TGFB1: variants seen among roughly 807,000 people sequenced by gnomAD.
TGFB1 encodes transforming growth factor beta-1 proprotein.
In TGFB1, 19 loss-of-function variants were observed where a neutral mutation model predicts 43.8. The ratio of observed to expected loss-of-function variants is 0.43; its 90% CI spans 0.30 to 0.64. TGFB1 has a LOEUF of 0.64. TGFB1 is among the 30% of genes least tolerant of loss of function. The probability of loss-of-function intolerance (pLI) is 0.11; values close to 1 mark genes in which losing one functional copy is unlikely to be tolerated. For missense variants in TGFB1, 445 were observed against 529.8 expected (o/e 0.84, Z 1.57); for synonymous variants, 221 against 236.3 (o/e 0.94, Z 0.60).
intron 5 of TGFB1, among the ~76,000 whole-genome samples, chr19:41,339,656 C>G (rs11466342): frequency 5.3e-4 from 80 of 152,154 alleles, no homozygotes; most frequent in African/African-American, 1.8e-3. Context: ...AACCCAGTGT[C>G]TACTAAAAAA....
At chr19:41,347,644 A>C (rs919091658) in intron 2 of TGFB1, among the ~76,000 whole-genome samples, 1 of 152,044 alleles carries the variant, frequency 6.6e-6, no homozygotes, top group African/African-American at 2.4e-5. Context: ...CCTGGCCAAC[A>C]TGATAAAACT....
intron 2 of TGFB1, among the ~76,000 whole-genome samples, chr19:41,345,723 G>A (rs1006788203): frequency 2.0e-5 from 3 of 151,220 alleles, no homozygotes; most frequent in African/African-American, 7.3e-5. Context: ...CCAACAAAGT[G>A]AAACCTCGTC....
intron 5 of TGFB1, 87 bp from the exon 6 acceptor site, chr19:41,332,368 C>T (rs1282359840): frequency 3.3e-6 from 5 of 1,506,142 alleles, no homozygotes; most frequent in Non-Finnish European, 4.5e-6. Context: ...CGTGTGTCAC[C>T]CTAGGTTGCC....
chr19:41,340,966 G>A (rs1044731499), intron 5 of TGFB1, among the ~76,000 whole-genome samples: 2 of 152,140 alleles, frequency 1.3e-5, no homozygotes, highest in African/African-American at 2.4e-5. Flanking sequence ...ATTCAAGATG[G>A]TGACCTTCCA....
intron 3 of TGFB1, 100 bp downstream of exon 3, chr19:41,344,647 A>T (rs1223410640): frequency 2.1e-5 from 23 of 1,072,686 alleles, no homozygotes; most frequent in Non-Finnish European, 3.2e-5. Context: ...CTTTCACACC[A>T]GTATGGGGCG....
intron 5 of TGFB1, among the ~76,000 whole-genome samples, chr19:41,336,467 C>CTCCA (rs1395055137): frequency 2.0e-5 from 3 of 151,834 alleles, no homozygotes; most frequent in African/African-American, 7.3e-5. Flanking sequence ...TCACTGTGGC[C>CTCCA]TCCAGCTCCT....
chr19:41,331,908 T>C, intron 6 of TGFB1: 1 of 584,916 alleles, frequency 1.7e-6, no homozygotes, highest in South Asian at 2.2e-5. Context: ...CTTCACTCTG[T>C]GGGTCTTCAT....
Position 41,353,073 on chromosome 19 carries a change from G to C in TGFB1, c.-29C>G. 3.3e-6 allele frequency: 5 copies of C among 1,504,266 alleles called. No individual in the cohort carries two copies. Among genetic ancestry groups the C allele is most frequent in the Non-Finnish European group, 3.5e-6 (4 of 1,131,962 alleles). 93.2% of individuals were successfully genotyped at this position (1,504,266 alleles called of 1,614,324 possible). On this transcript the variant is annotated 5_prime_UTR_variant, in exon 1 of 7. Coordinates refer to ENST00000221930, the MANE Select transcript of TGFB1 (RefSeq NM_000660.7). This position sits in a 1 kb window ranked among gnomAD's most constrained non-coding sequence, Gnocchi z 5.9. ...GGAGGCGGCGCCCCCCGGCACTGCC[G>C]AGAGCGCGAACAGGGCTGGTGTGGT... is the stretch of plus-strand genomic sequence containing the variant.
At position 41,348,292 on chromosome 19, in the gene TGFB1, C is replaced by T. The variant is rs201759678; in HGVS notation, c.516+3G>A. 1.2e-6 allele frequency: 2 copies of T among 1,612,534 alleles called. No individual in the cohort carries two copies. The highest frequency in any genetic ancestry group is 1.7e-6 in the Non-Finnish European group (2 of 1,179,616). ...TGACCTTCCTTCTGGCTCATGTCCT[C>T]ACCTGGTACAGCTCCACGTGCTGCT... On this transcript the variant is annotated splice_donor_region_variant and intron_variant, in intron 2 of 6. Coordinates refer to ENST00000221930, the MANE Select transcript of TGFB1 (RefSeq NM_000660.7).
At chr19:41,339,591 G>A (rs549455674) in intron 5 of TGFB1, among the ~76,000 whole-genome samples, 2 of 152,102 alleles carry the variant, frequency 1.3e-5, no homozygotes, top group East Asian at 1.9e-4. Flanking sequence ...TTGGGAGGCC[G>A]AGGCGGGTGG....
At chr19:41,352,642 C>A in intron 1 of TGFB1, 48 bp downstream of exon 1, 2 of 1,600,390 alleles carry the variant, frequency 1.2e-6, no homozygotes, top group Non-Finnish European at 1.7e-6. Context: ...GGCACTCCGG[C>A]GCCCCCTGGG....
Position 41,342,192 on chromosome 19 carries a change from G to C in TGFB1, c.690C>G (p.Asn230Lys), listed in dbSNP as rs773748442. The change falls in exon 4 of 7, where the codon AAC (asparagine) becomes AAG (lysine). Residue 230 changes from asparagine to lysine, a missense_variant. Physicochemically the swap from Asn to Lys is moderately conservative, Grantham distance 94. Coordinates refer to ENST00000221930, the MANE Select transcript of TGFB1 (RefSeq NM_000660.7). ...SAHCSCDSRD[N>K]TLQVDINGFT... ...CACCGTTGATGTCCACTTGCAGTGT[G>C]TTATCCCTGCTGTCACAGGAGCAGT... The C allele has an allele frequency of 6.2e-7, 1 of 1,608,868 alleles. No homozygotes were observed. The highest frequency in any genetic ancestry group is 8.5e-7 in the Non-Finnish European group (1 of 1,177,554).
In TGFB1 at chr19:41,352,957, G is replaced by A. The variant is rs1271201538; in HGVS notation, c.88C>T (p.Leu30=). 1 of 1,549,350 alleles carries A rather than the reference G, an allele frequency of 6.5e-7. No homozygotes were observed. The highest frequency in any genetic ancestry group is 8.7e-7 in the Non-Finnish European group (1 of 1,150,106). The part of the protein sequence containing the change: ...VLTPGRPAAG[L]STCKTIDMEL... ...ATGTCGATAGTCTTGCAGGTGGATA[G>A]TCCCGCGGCCGGCCGGCCAGGCGTC... Residue 30 remains leucine, a synonymous_variant, in exon 1 of 7, where the codon CTA becomes TTA. Transcript: ENST00000221930.
chr19:41,343,086 C>T (rs2038076695), intron 3 of TGFB1, among the ~76,000 whole-genome samples: 1 of 151,974 alleles, frequency 6.6e-6, no homozygotes, highest in Admixed American at 6.6e-5. Flanking sequence ...CAGCCCAGGA[C>T]ACTCCTCCCA....
At chr19:41,345,066 A>G (rs1039056752) in intron 2 of TGFB1, among the ~76,000 whole-genome samples, 3 of 152,242 alleles carry the variant, frequency 2.0e-5, no homozygotes, top group Admixed American at 1.3e-4. Context: ...GGGTGGAGAA[A>G]AAGCTCAGGC....
At chr19:41,331,321 C>A in intron 6 of TGFB1, 111 bp from the exon 7 acceptor site, 1 of 1,275,606 alleles carries the variant, frequency 7.8e-7, no homozygotes, top group Non-Finnish European at 1.0e-6. Context: ...CTTCGTCTCT[C>A]CCCGCATCCC....
chr19:41,348,575 TTTTATTTATTTATTTATTTA>T lies in TGFB1; in HGVS notation c.356-140_356-121del, dbSNP rs59416536. 128 of 286,304 alleles carry T rather than the reference TTTTATTTATTTATTTATTTA, an allele frequency of 4.5e-4. 6 individuals carry two copies. The East Asian group carries it at 0.011, about 25-fold the overall frequency. 17.7% of individuals were successfully genotyped at this position (286,304 alleles called of 1,614,324 possible). On this transcript the variant is annotated intron_variant, in intron 1 of 6. Transcript: ENST00000221930. ...TGGGGTGGAGTCAGTCTCTGATACC[TTTTATTTATTTATTTATTTA>T]TTTATTTATTTATTTATTTATTTAA...
chr19:41,353,414 G>GCAC lies in TGFB1; in HGVS notation c.-371_-370insGTG, dbSNP rs2038241733. Reference sequence around the variant, plus strand: ...GCAGGGGGTGCGCCCGAGGTCTGGGGAAAAGTCTTTGCGGGAGGCCGGGTC... The same window carrying GCAC: ...GCAGGGGGTGCGCCCGAGGTCTGGGGCACAAAAGTCTTTGCGGGAGGCCGGGTC... On this transcript the variant is annotated 5_prime_UTR_variant, in exon 1 of 7. Coordinates refer to ENST00000221930, the MANE Select transcript of TGFB1 (RefSeq NM_000660.7). The surrounding 1 kb of genome is among the most constrained non-coding windows in gnomAD (Gnocchi z 5.9). 4.7e-6 allele frequency: 1 copy of GCAC among 211,878 alleles called. No homozygotes were observed. Among genetic ancestry groups the GCAC allele is most frequent in the Non-Finnish European group, 9.4e-6 (1 of 106,630 alleles). 13.1% of individuals were successfully genotyped at this position (211,878 alleles called of 1,614,324 possible). A position where few individuals can be genotyped will look rare whatever the true frequency, so the allele number is the denominator to read the frequency against.
intron 5 of TGFB1, among the ~76,000 whole-genome samples, chr19:41,338,641 C>G (rs949068206): frequency 6.6e-6 from 1 of 151,910 alleles, no homozygotes; most frequent in Non-Finnish European, 1.5e-5. Flanking sequence ...GAGTTCAAGA[C>G]CAGCCTGGGC....
Sources: allele counts gnomAD v4.1 joint callset (sites outside exome capture counted in the v4.1 genomes callset), GRCh38; gene constraint gnomAD v4.1.1; non-coding constraint Gnocchi (gnomAD v3.1); transcripts MANE v1.5; gene names NCBI Gene and HGNC (gene_info 2026-07-23, HGNC 2026-07-21).